The following DPP6 variants were observed in gnomAD, a reference collection of about 807,000 sequenced individuals.
DPP6 encodes the protein dipeptidyl peptidase like 6, also known as A-type potassium channel modulatory protein DPP6.
A neutral mutation model predicts 122.6 loss-of-function variants in DPP6; 69 were observed. That is an observed-to-expected ratio of 0.56 (90% confidence interval 0.46 to 0.69). The LOEUF is 0.69. Among genes scored for constraint, DPP6 ranks in the 30% least tolerant of loss-of-function variants. DPP6 has a pLI of 0.00. For synonymous variants in DPP6, 418 were observed against 433.1 expected (o/e 0.97, Z 0.43); for missense variants, 928 against 1,116.9 (o/e 0.83, Z 2.41).
rs869025385 is a variant in DPP6, at chr7:154,876,099, C to T, written c.2077C>T (p.Arg693Trp). The part of the protein sequence containing the change: ...LEEKDQMEAV[R>W]TMLKEQYIDR... Reference sequence around the variant, plus strand: ...GGAGAAGGACCAGATGGAGGCCGTGCGGTGAGCACCCGCCCAGGAAGCAGG... The same window carrying T: ...GGAGAAGGACCAGATGGAGGCCGTGTGGTGAGCACCCGCCCAGGAAGCAGG... Residue 693 changes from arginine to tryptophan, a missense_variant and splice_region_variant, in exon 20 of 26, where the codon CGG becomes TGG. Transcript: ENST00000377770. 10 of 1,579,222 alleles carry T rather than the reference C, an allele frequency of 6.3e-6. No individual in the cohort carries two copies. Among genetic ancestry groups the T allele is most frequent in the African/African-American group, 4.0e-5 (3 of 74,386 alleles).
intron 8 of DPP6, among the ~76,000 whole-genome samples, chr7:154,738,862 C>T (rs1842690407): frequency 6.6e-6 from 1 of 152,166 alleles, no homozygotes; most frequent in South Asian, 2.1e-4. Context: ...TGGGGACAGG[C>T]TAGGTCCTGC....
intron 1 of DPP6, among the ~76,000 whole-genome samples, chr7:154,268,242 C>G (rs10265454): frequency 0.65 from 99,240 of 152,078 alleles, 33,145 homozygotes; most frequent in African/African-American, 0.79. Flanking sequence ...TCTACATCAA[C>G]ATGATGGATT....
At chr7:154,261,436 C>A (rs1003322250) in intron 1 of DPP6, among the ~76,000 whole-genome samples, 1 of 152,180 alleles carries the variant, frequency 6.6e-6, no homozygotes, top group Non-Finnish European at 1.5e-5. Flanking sequence ...TATAAAAATT[C>A]TAGAAGATAA....
At chr7:153,938,690 G>T (rs1156480609) in intron 1 of DPP6, among the ~76,000 whole-genome samples, 1 of 152,120 alleles carries the variant, frequency 6.6e-6, no homozygotes, top group Non-Finnish European at 1.5e-5. Flanking sequence ...GCCTCCTCTC[G>T]CCTTCCCTGC....
In DPP6 at chr7:154,566,869, A is replaced by G. The variant is rs1380601567; in HGVS notation, c.580A>G (p.Ile194Val). Residue 194 changes from isoleucine (I) to valine (V), a missense_variant, in exon 5 of 26, where the codon ATA becomes GTA. Coordinates refer to ENST00000377770, the MANE Select transcript of DPP6 (RefSeq NM_130797.4). ...ATCATTAAGAGCCATCAGATATGAA[A>G]TATCTCCAGATAGAGAGTATGCACT... is the stretch of plus-strand genomic sequence containing the variant. ...IESLRAIRYEISPDREYALFS... is the reference protein window; with the variant it reads ...IESLRAIRYEVSPDREYALFS... 5.0e-6 allele frequency: 8 copies of G among 1,605,392 alleles called. No homozygotes were observed. Among genetic ancestry groups the G allele is most frequent in the African/African-American group, 4.0e-5 (3 of 74,688 alleles).
At chr7:154,355,334 A>G (rs925809414) in intron 1 of DPP6, among the ~76,000 whole-genome samples, 3 of 152,156 alleles carry the variant, frequency 2.0e-5, no homozygotes. Flanking sequence ...TGGCCTTTTC[A>G]TATAATATTT....
chr7:154,610,157 C>A (rs937006), intron 5 of DPP6, among the ~76,000 whole-genome samples: 61,436 of 151,928 alleles, frequency 0.4, 13,427 homozygotes, highest in East Asian at 0.65. Context: ...CTTTCTTGAC[C>A]CATAGTCCAA....
At chr7:154,070,515 G>T (rs1053598532) in intron 1 of DPP6, among the ~76,000 whole-genome samples, 14 of 152,098 alleles carry the variant, frequency 9.2e-5, no homozygotes, top group Non-Finnish European at 1.8e-4. Context: ...TAGGCAAAAG[G>T]CTTGCCTCTA....
intron 1 of DPP6, among the ~76,000 whole-genome samples, chr7:154,153,164 G>C (rs113186139): frequency 0.014 from 2,151 of 152,264 alleles, 12 homozygotes; most frequent in African/African-American, 0.049. Flanking sequence ...ACTCCCTGCC[G>C]CTTATACAAG....
intron 1 of DPP6, among the ~76,000 whole-genome samples, chr7:154,132,206 C>T (rs528358142): frequency 1.3e-5 from 2 of 152,252 alleles, no homozygotes; most frequent in South Asian, 4.1e-4. Flanking sequence ...TTTGGCTGGA[C>T]AGCTGATTGA....
intron 1 of DPP6, among the ~76,000 whole-genome samples, chr7:154,306,865 T>C (rs943178411): frequency 6.6e-6 from 1 of 152,158 alleles, no homozygotes; most frequent in Non-Finnish European, 1.5e-5. Flanking sequence ...AACCAAACCC[T>C]CCTCCTTTCA....
intron 5 of DPP6, among the ~76,000 whole-genome samples, chr7:154,585,506 G>A (rs1309901668): frequency 6.6e-6 from 1 of 152,198 alleles, no homozygotes. Context: ...GAGCACTGCG[G>A]TTGTCCCTCA....
chr7:154,128,121 C>T (rs1475402573), intron 1 of DPP6, among the ~76,000 whole-genome samples: 1 of 150,642 alleles, frequency 6.6e-6, no homozygotes, highest in Admixed American at 6.6e-5. Context: ...CAGCTGGCCT[C>T]TCTGCCCCAT....
chr7:154,440,443 TA>T (rs1819272967), intron 1 of DPP6, among the ~76,000 whole-genome samples: 1 of 152,158 alleles, frequency 6.6e-6, no homozygotes, highest in Admixed American at 6.5e-5. Context: ...CCCTGCTAAG[TA>T]CATGCAATGC....
intron 1 of DPP6, among the ~76,000 whole-genome samples, chr7:154,011,010 C>T (rs1207512613): frequency 5.3e-5 from 8 of 152,136 alleles, no homozygotes; most frequent in Admixed American, 3.3e-4. Flanking sequence ...CAGCACCTAG[C>T]GTAGGTCTCC....
At chr7:154,449,769 A>G (rs954575664) in intron 2 of DPP6, among the ~76,000 whole-genome samples, 1 of 151,996 alleles carries the variant, frequency 6.6e-6, no homozygotes, top group African/African-American at 2.4e-5. Flanking sequence ...GCACTTTGGG[A>G]GGCCAAGGAG....
intron 3 of DPP6, among the ~76,000 whole-genome samples, chr7:154,533,594 A>C (rs1318750925): frequency 1.3e-5 from 2 of 152,190 alleles, no homozygotes; most frequent in African/African-American, 4.8e-5. Flanking sequence ...ATGAAGCAGA[A>C]ATACTCTCAC....
chr7:154,218,204 A>G (rs1313998749), intron 1 of DPP6, among the ~76,000 whole-genome samples: 1 of 152,130 alleles, frequency 6.6e-6, no homozygotes, highest in Non-Finnish European at 1.5e-5. Context: ...CCATTAGACC[A>G]TTAAAGGCAG....
intron 1 of DPP6, among the ~76,000 whole-genome samples, chr7:153,948,340 C>T (rs116914257): frequency 4.6e-5 from 7 of 152,142 alleles, no homozygotes; most frequent in East Asian, 1.9e-4. Flanking sequence ...TTGTTATGTA[C>T]GGGTGAGAGA....
Sources: allele counts gnomAD v4.1 joint callset (sites outside exome capture counted in the v4.1 genomes callset), GRCh38; gene constraint gnomAD v4.1.1; transcripts MANE v1.5; gene names NCBI Gene and HGNC (gene_info 2026-07-23, HGNC 2026-07-21).